Variants in THRAP3 observed in about 807,000 individuals in gnomAD.
The protein encoded by THRAP3 is thyroid hormone receptor associated protein 3.
In THRAP3, 16 loss-of-function variants were observed where a neutral mutation model predicts 101.0. The observed-to-expected ratio is 0.16, with a 90% CI of 0.11 to 0.24. THRAP3 has a LOEUF of 0.24. THRAP3 is among the 10% of genes least tolerant of loss of function. The pLI, the probability that THRAP3 is intolerant of heterozygous loss-of-function variation, is 1.00. For synonymous variants in THRAP3, 407 were observed against 422.6 expected (o/e 0.96, Z 0.45); for missense variants, 989 against 1,202.7 (o/e 0.82, Z 2.63).
At chr1:36,249,547 A>C (rs1645272794) in intron 1 of THRAP3, among the ~76,000 whole-genome samples, 1 of 152,150 alleles carries the variant, frequency 6.6e-6, no homozygotes, top group South Asian at 2.1e-4. Flanking sequence ...AGTTAATTAC[A>C]ATACAGGATG....
the THRAP3 span, among the ~76,000 whole-genome samples, chr1:36,214,997 G>A: frequency 1.8e-4 from 28 of 151,970 alleles, no homozygotes; most frequent in Non-Finnish European, 3.5e-4. Context: ...CGAGGCGGGC[G>A]GATTATGAGG....
chr1:36,281,709 C>T lies in THRAP3; in HGVS notation c.-31-824C>T, dbSNP rs545481974. Among the ~76,000 whole-genome samples, 3 of 152,160 alleles carry T rather than the reference C, an allele frequency of 2.0e-5. No individual in the cohort carries two copies. In the South Asian group the frequency reaches 6.2e-4, roughly 32 times the overall value. The stretch of plus-strand genomic sequence containing the variant: ...CTCAAAATCCTGGCCTCAGGCCATT[C>T]CCACCTTAGCCTCTGGAGTAGCTAG... On this transcript the variant is annotated intron_variant, in intron 2 of 11. Transcript: ENST00000354618.
intron 1 of THRAP3, among the ~76,000 whole-genome samples, chr1:36,235,295 C>G (rs1356451382): frequency 6.6e-6 from 1 of 151,814 alleles, no homozygotes; most frequent in South Asian, 2.1e-4. Flanking sequence ...TATATGGAAA[C>G]AAGAAGATAG....
chr1:36,304,921 CT>C lies in THRAP3; in HGVS notation c.*909del, dbSNP rs1188096407. The C allele has an allele frequency of 4.9e-6, 1 of 206,082 alleles. No homozygotes were observed. Among genetic ancestry groups the C allele is most frequent in the African/African-American group, 2.3e-5 (1 of 43,740 alleles). The allele number at this position is 206,082 out of a possible 1,614,324, so 12.8% of individuals were successfully genotyped here. On this transcript the variant is annotated 3_prime_UTR_variant, in exon 12 of 12. Transcript: ENST00000354618. Reference sequence around the variant, plus strand: ...AATTTTTTCAATATTTTTTATTAATCTTTTTATAAAATGAAAAGAAACTCCT... The same window carrying C: ...AATTTTTTCAATATTTTTTATTAATCTTTTATAAAATGAAAAGAAACTCCT...
chr1:36,299,114 G>A (rs1380998100), intron 9 of THRAP3, among the ~76,000 whole-genome samples: 1 of 150,408 alleles, frequency 6.6e-6, no homozygotes, highest in East Asian at 2.1e-4. Flanking sequence ...TTATATAACT[G>A]AAGAATGACT....
intron 1 of THRAP3, among the ~76,000 whole-genome samples, chr1:36,256,835 G>A (rs1005803027): frequency 2.0e-5 from 3 of 151,354 alleles, no homozygotes; most frequent in Non-Finnish European, 4.4e-5. Flanking sequence ...CGCTATTGTT[G>A]TCCAGGCTGG....
intron 11 of THRAP3, among the ~76,000 whole-genome samples, chr1:36,302,316 T>TC (rs1021314989): frequency 7.2e-5 from 11 of 152,238 alleles, no homozygotes; most frequent in African/African-American, 2.4e-4. Flanking sequence ...CAGCTGAATC[T>TC]CCATCACTTG....
chr1:36,248,029 G>A (rs1321400543), intron 1 of THRAP3, among the ~76,000 whole-genome samples: 4 of 151,540 alleles, frequency 2.6e-5, no homozygotes, highest in Non-Finnish European at 5.9e-5. Context: ...ACAGGCACAC[G>A]CCACCATGCA....
chr1:36,293,075 C>T (rs1451186883), intron 7 of THRAP3, among the ~76,000 whole-genome samples: 1 of 137,972 alleles, frequency 7.2e-6, no homozygotes, highest in African/African-American at 2.7e-5. Context: ...GCCACCCAGG[C>T]TGGAGTGCAG....
Position 36,300,914 on chromosome 1 carries a change from A to G in THRAP3, c.2332A>G (p.Arg778Gly), listed in dbSNP as rs1423394698. 1 of 1,613,740 alleles carries G rather than the reference A, an allele frequency of 6.2e-7. No homozygotes were observed. The highest frequency in any genetic ancestry group is 2.2e-5 in the East Asian group (1 of 44,888). ...KKHRRARDRSRSSSSSSQSSH... is the reference protein window; with the variant it reads ...KKHRRARDRSGSSSSSSQSSH... ...GCATCGGAGAGCAAGAGACAGGTCC[A>G]GATCCTCCTCCTCTTCCTCCCAGTC... Residue 778 changes from arginine (R) to glycine (G), a missense_variant, in exon 10 of 12, where the codon AGA (arginine) becomes GGA (glycine). Coordinates refer to ENST00000354618, the MANE Select transcript of THRAP3 (RefSeq NM_005119.4).
intron 2 of THRAP3, among the ~76,000 whole-genome samples, chr1:36,264,559 A>T (rs1006744252): frequency 2.0e-5 from 3 of 152,116 alleles, no homozygotes; most frequent in Admixed American, 2.0e-4. Flanking sequence ...GTATTTCCTC[A>T]CCTAACACCC....
chr1:36,222,818 C>T (rs1202324779), upstream of THRAP3, among the ~76,000 whole-genome samples: 1 of 152,184 alleles, frequency 6.6e-6, no homozygotes, highest in East Asian at 1.9e-4. Context: ...AGTAGACACC[C>T]AGAAAATCTT....
intron 2 of THRAP3, among the ~76,000 whole-genome samples, chr1:36,264,331 G>A (rs1645485563): frequency 6.6e-6 from 1 of 152,220 alleles, no homozygotes; most frequent in Admixed American, 6.5e-5. Flanking sequence ...CACTGTGTAT[G>A]TGCTTCCTTA....
intron 1 of THRAP3, among the ~76,000 whole-genome samples, chr1:36,258,504 C>T (rs1417303803): frequency 6.6e-6 from 1 of 151,924 alleles, no homozygotes; most frequent in Non-Finnish European, 1.5e-5. Flanking sequence ...GAGGCGAAGT[C>T]TCACTCTGTC....
upstream of THRAP3, among the ~76,000 whole-genome samples, chr1:36,223,183 C>A (rs1644916498): frequency 6.6e-6 from 1 of 152,004 alleles, no homozygotes; most frequent in Admixed American, 6.6e-5. Context: ...TTTTAAGAAG[C>A]ACTGCGCAGT....
At chr1:36,273,471 C>CT (rs1443604592) in intron 2 of THRAP3, among the ~76,000 whole-genome samples, 2 of 152,188 alleles carry the variant, frequency 1.3e-5, no homozygotes, top group East Asian at 3.8e-4. Context: ...TAACATCATA[C>CT]TTAAAGGTGC....
chr1:36,304,047 G>T lies in THRAP3; in HGVS notation c.*30G>T. 1 of 1,475,260 alleles carries T rather than the reference G, an allele frequency of 6.8e-7. No individual in the cohort carries two copies. The highest frequency in any genetic ancestry group is 1.4e-5 in the South Asian group (1 of 71,374). The allele number at this position is 1,475,260 out of a possible 1,614,324, so 91.4% of individuals were successfully genotyped here. Reference sequence around the variant, plus strand: ...CACCCTTGACGGGATTCCTGCCCAGGGGAGAGAGGCGCTGGGAAGATGGCT... The same window carrying T: ...CACCCTTGACGGGATTCCTGCCCAGTGGAGAGAGGCGCTGGGAAGATGGCT... On this transcript the variant is annotated 3_prime_UTR_variant, in exon 12 of 12. Transcript: ENST00000354618.
In THRAP3 at chr1:36,270,261, A is replaced by G. The variant is rs887523067; in HGVS notation, c.-32+10777A>G. Among the ~76,000 whole-genome samples the G allele has an allele frequency of 3.9e-5, 6 of 152,268 alleles. No homozygotes were observed. The South Asian group carries it at 1.0e-3, about 26-fold the overall frequency. On this transcript the variant is annotated intron_variant, in intron 2 of 11. Transcript: ENST00000354618. ...AAAAGTTAGCCAGCTGTAGTGGCAC[A>G]TGCCGGTAGTCCCAGCTACTCAGGA...
At chr1:36,273,142 G>A (rs1409752231) in intron 2 of THRAP3, among the ~76,000 whole-genome samples, 2 of 152,160 alleles carry the variant, frequency 1.3e-5, no homozygotes, top group African/African-American at 4.8e-5. Flanking sequence ...TCCTGGGTTT[G>A]GTATCCTGAA....
Sources: gnomAD v4.1 joint callset for allele counts (sites outside exome capture counted in the v4.1 genomes callset) on GRCh38, gnomAD v4.1.1 for gene constraint, MANE v1.5 for transcripts, NCBI Gene and HGNC (gene_info 2026-07-23, HGNC 2026-07-21) for gene names.